ARHGEF18: variants seen among roughly 807,000 people sequenced by gnomAD.
ARHGEF18 encodes the protein Rho/Rac guanine nucleotide exchange factor 18.
In ARHGEF18, 93 loss-of-function variants were observed where a neutral mutation model predicts 155.7. The ratio of observed to expected loss-of-function variants is 0.60; its 90% CI spans 0.50 to 0.71. The LOEUF is 0.71. ARHGEF18 is among the 30% of genes least tolerant of loss of function. The pLI is 0.00. For missense variants in ARHGEF18, 1,593 were observed against 1,816.1 expected (o/e 0.88, Z 2.23); for synonymous variants, 742 against 753.1 (o/e 0.99, Z 0.24).
rs962071045 is a variant in ARHGEF18 at position 7,379,182 on chromosome 19, G to A, written c.644+16G>A. The A allele has an allele frequency of 6.5e-6, 8 of 1,232,478 alleles. No homozygotes were observed. The highest frequency in any genetic ancestry group is 8.1e-6 in the Non-Finnish European group (8 of 988,264). The allele number at this position is 1,232,478 out of a possible 1,614,324, so 76.3% of individuals were successfully genotyped here. ...AGTACCATGGGTAAGTGGGAATCGG[G>A]ACAGGCTTGAGGGGAGCAAAGTGGG... On this transcript the variant is annotated intron_variant, in intron 7 of 28. Coordinates refer to ENST00000668164, the MANE Select transcript of ARHGEF18 (RefSeq NM_001367823.1).
At position 7,438,408 on chromosome 19, in the gene ARHGEF18, CTTT is replaced by C. The variant is rs10546789; in HGVS notation, c.968-1924_968-1922del. Among the ~76,000 whole-genome samples, 72 of 142,648 alleles carry C rather than the reference CTTT, an allele frequency of 5.0e-4. 1 individual carries two copies. Among genetic ancestry groups the C allele is most frequent in the African/African-American group, 1.1e-3 (44 of 38,564 alleles). 93.6% of individuals were successfully genotyped at this position (142,648 alleles called of 152,430 possible). Reference sequence around the variant, plus strand: ...GAGCCACCATGTCTGGCCCAGATTTCTTTTTTTTTTTTTTATTTTTGAGACAGA... The same window carrying C: ...GAGCCACCATGTCTGGCCCAGATTTCTTTTTTTTTTTATTTTTGAGACAGA... On this transcript the variant is annotated intron_variant, in intron 10 of 28. Coordinates refer to ENST00000668164, the MANE Select transcript of ARHGEF18 (RefSeq NM_001367823.1).
At chr19:7,429,863 G>A (rs758184519) in intron 10 of ARHGEF18, among the ~76,000 whole-genome samples, 34 of 152,052 alleles carry the variant, frequency 2.2e-4, no homozygotes, top group Non-Finnish European at 4.1e-4. Context: ...AAATCAGAGC[G>A]CTCCCGTGCA....
At position 7,382,883 on chromosome 19, in the gene ARHGEF18, CAGA is replaced by C; in HGVS notation, c.817_819del (p.Lys273del). The stretch of plus-strand genomic sequence containing the variant: ...CTGCCTCCGCAGTCGAGTGACCAGG[CAGA>C]AGGAGAAGGTAAGGGGAGCTAAGCC... On this transcript the variant is annotated inframe_deletion, in exon 9 of 29. Transcript: ENST00000668164. 3.2e-6 allele frequency: 4 copies of C among 1,232,588 alleles called. No homozygotes were observed. Among genetic ancestry groups the C allele is most frequent in the African/African-American group, 1.5e-5 (1 of 64,546 alleles). 76.4% of individuals were successfully genotyped at this position (1,232,588 alleles called of 1,614,324 possible). A position where few individuals can be genotyped will look rare whatever the true frequency, so the allele number is the denominator to read the frequency against.
intron 10 of ARHGEF18, among the ~76,000 whole-genome samples, chr19:7,385,833 A>ATCTCTATCTC: frequency 1.9e-5 from 1 of 51,976 alleles, no homozygotes; most frequent in South Asian, 9.8e-4. Context: ...ATCTCTCTCT[A>ATCTCTATCTC]TCTCTCTCTC....
intron 7 of ARHGEF18, among the ~76,000 whole-genome samples, chr19:7,380,108 G>A (rs929890421): frequency 1.1e-4 from 16 of 151,128 alleles, no homozygotes; most frequent in Non-Finnish European, 1.9e-4. Flanking sequence ...AGTCCAGGCA[G>A]TGAAGGCTGC....
Position 7,375,834 on chromosome 19 carries a change from C to T in ARHGEF18, c.390C>T (p.Leu130=). Residue 130 remains leucine, a synonymous_variant, in exon 4 of 29, where the codon CTC becomes CTT. Coordinates refer to ENST00000668164, the MANE Select transcript of ARHGEF18 (RefSeq NM_001367823.1). ...TGAAGACCTGGACTCAAGGGTGTCTCTCTGGGGGCGGGACCCCCGCAGAGA... is the reference window on the plus strand; with the variant it reads ...TGAAGACCTGGACTCAAGGGTGTCTTTCTGGGGGCGGGACCCCCGCAGAGA... The part of the protein sequence containing the change: ...GGLKTWTQGC[L]SGGGTPAESP... The T allele has an allele frequency of 8.1e-7, 1 of 1,234,460 alleles. No homozygotes were observed. The highest frequency in any genetic ancestry group is 1.0e-6 in the Non-Finnish European group (1 of 988,244). 76.5% of individuals were successfully genotyped at this position (1,234,460 alleles called of 1,614,324 possible).
chr19:7,377,113 C>A (rs1362843105), intron 5 of ARHGEF18, among the ~76,000 whole-genome samples: 2 of 152,002 alleles, frequency 1.3e-5, no homozygotes, highest in Admixed American at 6.6e-5. Flanking sequence ...CTCTGTCGCC[C>A]AGGCTGCAGT....
At chr19:7,436,379 C>T (rs1312069514) in intron 10 of ARHGEF18, among the ~76,000 whole-genome samples, 2 of 151,986 alleles carry the variant, frequency 1.3e-5, no homozygotes, top group Non-Finnish European at 1.5e-5. Context: ...CAGGCTCCAG[C>T]AATTCTCCTG....
intron 10 of ARHGEF18, among the ~76,000 whole-genome samples, chr19:7,383,905 G>A (rs931937228): frequency 1.8e-4 from 27 of 152,072 alleles, no homozygotes; most frequent in African/African-American, 6.5e-4. Context: ...TGGTGGTTGT[G>A]GGGTGGTGAG....
intron 10 of ARHGEF18, among the ~76,000 whole-genome samples, chr19:7,418,035 T>C (rs2145658220): frequency 6.6e-6 from 1 of 152,232 alleles, no homozygotes; most frequent in East Asian, 1.9e-4. Flanking sequence ...TGAAGACGGG[T>C]TCCTGGGGAA....
chr19:7,453,929 A>C (rs549456022), intron 17 of ARHGEF18, among the ~76,000 whole-genome samples: 1 of 151,928 alleles, frequency 6.6e-6, no homozygotes, highest in East Asian at 1.9e-4. Flanking sequence ...GTTGGTTCCC[A>C]TTTTTTATTG....
chr19:7,458,662 A>T lies in ARHGEF18; in HGVS notation c.2332A>T (p.Met778Leu), dbSNP rs189139451. The T allele has an allele frequency of 6.2e-7, 1 of 1,613,886 alleles. No individual in the cohort carries two copies. The highest frequency in any genetic ancestry group is 8.5e-7 in the Non-Finnish European group (1 of 1,179,904). Residue 778 changes from methionine (M) to leucine (L), a missense_variant, in exon 19 of 29, where the codon ATG (methionine) becomes TTG (leucine). Met to Leu is a conservative substitution (Grantham distance 15, BLOSUM62 2). Coordinates refer to ENST00000668164, the MANE Select transcript of ARHGEF18 (RefSeq NM_001367823.1). ...TSSKEDRNAW[M>L]AHIQRAVESC... ...CTCCAAAGAGGACAGGAACGCCTGG[A>T]TGGCCCACATCCAAAGGGCTGTGGA...
chr19:7,387,961 G>T (rs1971179481), intron 10 of ARHGEF18, among the ~76,000 whole-genome samples: 1 of 151,898 alleles, frequency 6.6e-6, no homozygotes. Flanking sequence ...CACCGTGTCT[G>T]GCTCAAGCTA....
At chr19:7,428,885 C>T (rs77781134) in intron 10 of ARHGEF18, among the ~76,000 whole-genome samples, 6,127 of 152,256 alleles carry the variant, frequency 0.04, 408 homozygotes, top group African/African-American at 0.14. Context: ...GGGCTGAGCA[C>T]GTAGATCTGA....
rs755211204 is a variant in ARHGEF18 at position 7,441,755 on chromosome 19, T to G, written c.1209T>G (p.Ile403Met). The G allele has an allele frequency of 3.1e-6, 5 of 1,614,150 alleles. No individual in the cohort carries two copies. Among genetic ancestry groups the G allele is most frequent in the Non-Finnish European group, 4.2e-6 (5 of 1,180,016 alleles). The change falls in exon 12 of 29, where the codon ATT (isoleucine) becomes ATG (methionine). Residue 403 changes from isoleucine to methionine, a missense_variant. Transcript: ENST00000668164. ...LSLTSPNTESIFVEDPYTASL... is the reference protein window; with the variant it reads ...LSLTSPNTESMFVEDPYTASL... Reference sequence around the variant, plus strand: ...TTACATCTCCAAACACCGAGTCCATTTTTGTAGAAGGTATGGTCATCTCCG... The same window carrying G: ...TTACATCTCCAAACACCGAGTCCATGTTTGTAGAAGGTATGGTCATCTCCG...
At chr19:7,351,522 A>C (rs1314714130) in intron 1 of ARHGEF18, among the ~76,000 whole-genome samples, 1 of 151,128 alleles carries the variant, frequency 6.6e-6, no homozygotes, top group Non-Finnish European at 1.5e-5. Flanking sequence ...ACGGGGTTTC[A>C]CCGTGTTAGC....
chr19:7,359,222 C>G lies in ARHGEF18; in HGVS notation c.-110-3559C>G, dbSNP rs147224972. Among the ~76,000 whole-genome samples, 4 of 152,082 alleles carry G rather than the reference C, an allele frequency of 2.6e-5. No individual in the cohort carries two copies. In the East Asian group the frequency reaches 7.7e-4, roughly 29 times the overall value. ...GTGGGGATCAGTAGAAGGGGAGTGA[C>G]CATCAGAGGGTTATATCAAAAGGAC... is the stretch of plus-strand genomic sequence containing the variant. On this transcript the variant is annotated intron_variant, in intron 1 of 28. Coordinates refer to ENST00000668164, the MANE Select transcript of ARHGEF18 (RefSeq NM_001367823.1).
At chr19:7,477,238 G>A (rs1977257083), downstream of ARHGEF18, 2 of 1,547,716 alleles carry the variant, frequency 1.3e-6, no homozygotes, top group Admixed American at 2.1e-5. Context: ...CGCCGGCCCG[G>A]GCCGCCTGGT....
chr19:7,362,262 AAGG>A (rs1225058425), intron 1 of ARHGEF18, among the ~76,000 whole-genome samples: 1 of 150,866 alleles, frequency 6.6e-6, no homozygotes, highest in Non-Finnish European at 1.5e-5. Flanking sequence ...AGGAAGAAGA[AAGG>A]AAGAAGGAAG....
Sources: allele counts gnomAD v4.1 joint callset (sites outside exome capture counted in the v4.1 genomes callset), GRCh38; gene constraint gnomAD v4.1.1; transcripts MANE v1.5; gene names NCBI Gene and HGNC (gene_info 2026-07-23, HGNC 2026-07-21).